LRRC4C: variants seen among roughly 807,000 people sequenced by gnomAD.
The protein encoded by LRRC4C is leucine-rich repeat-containing protein 4C.
LRRC4C carries 5 observed loss-of-function variants against 33.6 expected under a neutral mutation model. The observed-to-expected ratio is 0.15, with a 90% confidence interval of 0.08 to 0.31. LRRC4C has a LOEUF of 0.31. Among genes scored for constraint, LRRC4C ranks in the 10% least tolerant of loss-of-function variants. The probability of loss-of-function intolerance (pLI) is 1.00; values close to 1 mark genes in which losing one functional copy is unlikely to be tolerated. For missense variants in LRRC4C, 560 were observed against 796.7 expected (o/e 0.70, Z 3.58); for synonymous variants, 329 against 302.0 (o/e 1.09, Z -0.93).
At chr11:40,586,108 T>A (rs1316296401) in intron 3 of LRRC4C, among the ~76,000 whole-genome samples, 2 of 147,158 alleles carry the variant, frequency 1.4e-5, no homozygotes, top group Admixed American at 6.8e-5. Context: ...AAAGTGTTCC[T>A]ATTTCTCCAC....
At chr11:40,643,660 G>C (rs918742193) in intron 3 of LRRC4C, among the ~76,000 whole-genome samples, 3 of 152,150 alleles carry the variant, frequency 2.0e-5, no homozygotes, top group Admixed American at 6.5e-5. Context: ...TGGTGAACAA[G>C]TTGGTAATAG....
chr11:41,335,875 C>T (rs1032539108), intron 1 of LRRC4C, among the ~76,000 whole-genome samples: 5 of 152,106 alleles, frequency 3.3e-5, no homozygotes, highest in African/African-American at 9.7e-5. Flanking sequence ...ATTATCAGCC[C>T]TAGAGGAAAG....
At position 40,275,831 on chromosome 11, in the gene LRRC4C, A is replaced by T. The variant is rs571836028; in HGVS notation, c.-175-34233T>A. 3.9e-5 allele frequency among the ~76,000 whole-genome samples: 6 copies of T among 152,308 alleles called. No individual in the cohort carries two copies. The East Asian group carries it at 1.2e-3, about 29-fold the overall frequency. On this transcript the variant is annotated intron_variant, in intron 4 of 6. Coordinates refer to ENST00000528697, the MANE Select transcript of LRRC4C (RefSeq NM_001258419.2). ...GCTTGTGAAGAACATTCTTTCAATC[A>T]CAAAGCATCTATAGACTATCCACTA...
chr11:41,454,305 C>T (rs183910071), intron 1 of LRRC4C, among the ~76,000 whole-genome samples: 1 of 152,224 alleles, frequency 6.6e-6, no homozygotes, highest in African/African-American at 2.4e-5. Context: ...CCACATAGGT[C>T]AGATTCTGGC....
chr11:40,203,381 C>T (rs1862910796), intron 5 of LRRC4C, among the ~76,000 whole-genome samples: 2 of 152,146 alleles, frequency 1.3e-5, no homozygotes, highest in Admixed American at 6.5e-5. Flanking sequence ...TTCCTCTTCT[C>T]TTATCATCAA....
chr11:40,806,168 G>A (rs1951239539), intron 2 of LRRC4C, among the ~76,000 whole-genome samples: 1 of 152,062 alleles, frequency 6.6e-6, no homozygotes, highest in South Asian at 2.1e-4. Context: ...AAAATTTAGT[G>A]GCCTTAAAAA....
At chr11:40,914,654 C>G (rs1239230545) in intron 2 of LRRC4C, among the ~76,000 whole-genome samples, 2 of 152,192 alleles carry the variant, frequency 1.3e-5, no homozygotes, top group African/African-American at 4.8e-5. Flanking sequence ...GGGATGCCCT[C>G]TCTCACCTCT....
chr11:40,583,498 A>G (rs1958569521), intron 3 of LRRC4C, among the ~76,000 whole-genome samples: 1 of 152,072 alleles, frequency 6.6e-6, no homozygotes, highest in South Asian at 2.1e-4. Flanking sequence ...GCTTGCCCCT[A>G]ACCATCTTCC....
chr11:40,749,011 G>T (rs935815870), intron 2 of LRRC4C, among the ~76,000 whole-genome samples: 3 of 152,072 alleles, frequency 2.0e-5, no homozygotes, highest in Admixed American at 1.3e-4. Flanking sequence ...TAAAGAGAGA[G>T]AGAGAGCGAC....
At chr11:40,181,103 G>A (rs1860960082) in intron 5 of LRRC4C, among the ~76,000 whole-genome samples, 1 of 152,138 alleles carries the variant, frequency 6.6e-6, no homozygotes. Context: ...CATTCTCTCT[G>A]TGCCTCAAAC....
chr11:41,269,557 G>T (rs1949256606), intron 1 of LRRC4C, among the ~76,000 whole-genome samples: 1 of 152,120 alleles, frequency 6.6e-6, no homozygotes, highest in Non-Finnish European at 1.5e-5. Flanking sequence ...CCACCAGGGA[G>T]AAGGTAGTCT....
chr11:40,708,950 C>T (rs1024291942), intron 2 of LRRC4C, among the ~76,000 whole-genome samples: 1 of 152,152 alleles, frequency 6.6e-6, no homozygotes, highest in African/African-American at 2.4e-5. Context: ...GAATTGATCC[C>T]TTTACCATTA....
intron 1 of LRRC4C, among the ~76,000 whole-genome samples, chr11:41,062,393 T>C (rs565930426): frequency 6.6e-6 from 1 of 152,304 alleles, no homozygotes; most frequent in African/African-American, 2.4e-5. Flanking sequence ...AATACACCTG[T>C]CATATGAGTA....
At chr11:41,369,769 G>T (rs1952676265) in intron 1 of LRRC4C, among the ~76,000 whole-genome samples, 1 of 152,112 alleles carries the variant, frequency 6.6e-6, no homozygotes, top group South Asian at 2.1e-4. Context: ...TAGTAATGAT[G>T]AGCACCTGGA....
chr11:40,936,687 G>A (rs969974), intron 1 of LRRC4C, among the ~76,000 whole-genome samples: 53,985 of 151,828 alleles, frequency 0.36, 9,728 homozygotes, highest in East Asian at 0.47. Flanking sequence ...ACATTAACTG[G>A]TAACATCATG....
At chr11:41,020,089 A>G (rs1022094148) in intron 1 of LRRC4C, among the ~76,000 whole-genome samples, 11 of 152,128 alleles carry the variant, frequency 7.2e-5, no homozygotes, top group Non-Finnish European at 1.3e-4. Context: ...ATCTTTGCCC[A>G]AACCCCTACT....
chr11:41,372,131 C>T (rs1314312058), intron 1 of LRRC4C, among the ~76,000 whole-genome samples: 5 of 152,252 alleles, frequency 3.3e-5, no homozygotes, highest in Admixed American at 6.5e-5. Context: ...GGCGACTGAG[C>T]GAGACTCCGT....
intron 5 of LRRC4C, among the ~76,000 whole-genome samples, chr11:40,170,877 T>C (rs1178349942): frequency 6.6e-6 from 1 of 152,100 alleles, no homozygotes; most frequent in African/African-American, 2.4e-5. Context: ...TTACAAACTT[T>C]TGGGAGACTA....
At chr11:40,285,070 T>C (rs1244638670) in intron 4 of LRRC4C, among the ~76,000 whole-genome samples, 1 of 152,178 alleles carries the variant, frequency 6.6e-6, no homozygotes, top group East Asian at 1.9e-4. Context: ...TTCTTGAGCA[T>C]TTGATATGCA....
Sources: allele counts gnomAD v4.1 joint callset (sites outside exome capture counted in the v4.1 genomes callset), GRCh38; gene constraint gnomAD v4.1.1; transcripts MANE v1.5; gene names NCBI Gene and HGNC (gene_info 2026-07-23, HGNC 2026-07-21).